Variants in STAG1 observed in about 807,000 individuals in gnomAD.
STAG1 encodes the protein STAG1 cohesin complex component.
Under a neutral mutation model 170.9 loss-of-function variants are expected in STAG1, and 26 were observed. The observed-to-expected ratio is 0.15, with a 90% CI of 0.11 to 0.21. The LOEUF is 0.21. Among genes scored for constraint, STAG1 ranks in the 10% least tolerant of loss-of-function variants. The probability of loss-of-function intolerance (pLI) is 1.00; values close to 1 mark genes in which losing one functional copy is unlikely to be tolerated. For missense variants in STAG1, 964 were observed against 1,509.5 expected (o/e 0.64, Z 5.99); for synonymous variants, 514 against 497.7 (o/e 1.03, Z -0.44).
At position 136,500,334 on chromosome 3, in the gene STAG1, C is replaced by A; in HGVS notation, c.829-38G>T. ...AATATATATAAGTTGAAATCCTGAT[C>A]ATTTTATTTGGAAGGAACAGCTCCA... On this transcript the variant is annotated intron_variant, in intron 8 of 33. Coordinates refer to ENST00000383202, the MANE Select transcript of STAG1 (RefSeq NM_005862.3). 2.2e-6 allele frequency: 3 copies of A among 1,388,864 alleles called. No homozygotes were observed. The South Asian group carries it at 3.8e-5, about 17-fold the overall frequency. The allele number at this position is 1,388,864 out of a possible 1,614,324, so 86.0% of individuals were successfully genotyped here. A position where few individuals can be genotyped will look rare whatever the true frequency, so the allele number is the denominator to read the frequency against.
intron 1 of STAG1, among the ~76,000 whole-genome samples, chr3:136,733,803 A>C (rs1053831398): frequency 6.6e-6 from 1 of 152,218 alleles, no homozygotes. Context: ...CCTTGGCACT[A>C]TAAGAATTTC....
At chr3:136,478,390 C>A (rs575651414) in intron 9 of STAG1, among the ~76,000 whole-genome samples, 1 of 152,244 alleles carries the variant, frequency 6.6e-6, no homozygotes, top group South Asian at 2.1e-4. Context: ...GAATTGTAAA[C>A]AAATACAATG....
intron 29 of STAG1, among the ~76,000 whole-genome samples, chr3:136,347,978 C>T (rs1560048728): frequency 6.6e-6 from 1 of 152,180 alleles, no homozygotes; most frequent in Admixed American, 6.5e-5. Flanking sequence ...TTGTACTCCT[C>T]ATCAACAGTC....
intron 22 of STAG1, among the ~76,000 whole-genome samples, chr3:136,379,702 C>T (rs542216073): frequency 6.6e-6 from 1 of 152,002 alleles, no homozygotes; most frequent in African/African-American, 2.4e-5. Context: ...GAGCAAGACT[C>T]TATCTCAACA....
At chr3:136,597,727 C>T (rs1938490947) in intron 4 of STAG1, among the ~76,000 whole-genome samples, 1 of 151,952 alleles carries the variant, frequency 6.6e-6, no homozygotes, top group Non-Finnish European at 1.5e-5. Context: ...GAAATTTCAA[C>T]ACAATTATAT....
chr3:136,463,576 A>AT (rs1020724346), intron 13 of STAG1, among the ~76,000 whole-genome samples: 1 of 151,918 alleles, frequency 6.6e-6, no homozygotes. Flanking sequence ...ATATGTTTAT[A>AT]TTTTAAATAT....
At chr3:136,697,816 G>A (rs1412017968) in intron 1 of STAG1, among the ~76,000 whole-genome samples, 3 of 152,170 alleles carry the variant, frequency 2.0e-5, no homozygotes, top group Non-Finnish European at 4.4e-5. Context: ...AACATCTTCA[G>A]CCTGATTACA....
intron 3 of STAG1, among the ~76,000 whole-genome samples, chr3:136,607,945 A>T (rs1004277049): frequency 6.6e-6 from 1 of 152,166 alleles, no homozygotes; most frequent in Non-Finnish European, 1.5e-5. Flanking sequence ...TTGGAAAATG[A>T]TATCAGAGAG....
chr3:136,732,310 T>G lies in STAG1; in HGVS notation c.-84+19885A>C, dbSNP rs1934089753. ...GCATCCCAATGGGAGGAAAAAGTAG[T>G]AAGCCATCATCTTATTTTGTCTAGA... On this transcript the variant is annotated intron_variant, in intron 1 of 33. Coordinates refer to ENST00000383202, the MANE Select transcript of STAG1 (RefSeq NM_005862.3). Among the ~76,000 whole-genome samples, 2 of 151,252 alleles carry G rather than the reference T, an allele frequency of 1.3e-5. 1 individual carries two copies. The highest frequency in any genetic ancestry group is 4.2e-4 in the South Asian group (2 of 4,796).
intron 6 of STAG1, among the ~76,000 whole-genome samples, chr3:136,527,714 T>A (rs1183859494): frequency 6.6e-6 from 1 of 152,210 alleles, no homozygotes; most frequent in African/African-American, 2.4e-5. Flanking sequence ...ATCTTTGTGG[T>A]TTCATCTACC....
In STAG1 at chr3:136,336,677, G is replaced by C. The variant is rs1271494027; in HGVS notation, c.*1577C>G. 1.3e-5 allele frequency: 2 copies of C among 152,210 alleles called. No individual in the cohort carries two copies. Among genetic ancestry groups the C allele is most frequent in the Non-Finnish European group, 2.9e-5 (2 of 68,042 alleles). The allele number at this position is 152,210 out of a possible 1,614,324, so 9.4% of individuals were successfully genotyped here. Reference sequence around the variant, plus strand: ...GAGCCCAAGAATTGCTGAATTAGCAGAGAAGATATTTTTGGTGACCAGGTT... The same window carrying C: ...GAGCCCAAGAATTGCTGAATTAGCACAGAAGATATTTTTGGTGACCAGGTT... On this transcript the variant is annotated 3_prime_UTR_variant, in exon 34 of 34. Coordinates refer to ENST00000383202, the MANE Select transcript of STAG1 (RefSeq NM_005862.3).
At chr3:136,585,419 G>A (rs999168145) in intron 4 of STAG1, among the ~76,000 whole-genome samples, 1 of 152,008 alleles carries the variant, frequency 6.6e-6, no homozygotes, top group Non-Finnish European at 1.5e-5. Context: ...TACAGCCTGG[G>A]CGACAGAGTG....
intron 4 of STAG1, among the ~76,000 whole-genome samples, chr3:136,595,601 C>T (rs545629761): frequency 4.4e-4 from 67 of 151,650 alleles, no homozygotes; most frequent in Admixed American, 2.5e-3. Context: ...GGCATGAATC[C>T]GGGAGGTGGA....
intron 29 of STAG1, among the ~76,000 whole-genome samples, chr3:136,344,559 ACTTCAGGGAAGC>A (rs1481527252): frequency 1.3e-5 from 2 of 152,080 alleles, no homozygotes; most frequent in Non-Finnish European, 2.9e-5. Flanking sequence ...ATGCCTCTGT[ACTTCAGGGAAGC>A]CTTCCCTGAT....
intron 10 of STAG1, among the ~76,000 whole-genome samples, chr3:136,475,309 G>A (rs1465503685): frequency 6.6e-6 from 1 of 151,882 alleles, no homozygotes; most frequent in Non-Finnish European, 1.5e-5. Context: ...ACCATGCCCA[G>A]CAAAGTTTTC....
Position 136,369,213 on chromosome 3 carries a change from G to A in STAG1, c.2440C>T (p.Leu814Phe). Residue 814 changes from leucine (L) to phenylalanine (F), a missense_variant, in exon 24 of 34, where the codon CTT (leucine) becomes TTT (phenylalanine). This residue lies in a region of STAG1 where 232 missense variants were observed against 313.0 expected (regional missense o/e 0.74). Transcript: ENST00000383202. ...TCTGGATTGAACACCAAAGGCTGAA[G>A]GCCCTCTCTGCCACCTGTCATTAAT... ...HQLMTGGREG[L>F]QPLVFNPDTG... is the part of the protein sequence containing the mutation. 2 of 1,605,272 alleles carry A rather than the reference G, an allele frequency of 1.2e-6. No homozygotes were observed. Among genetic ancestry groups the A allele is most frequent in the Non-Finnish European group, 1.7e-6 (2 of 1,177,860 alleles).
At chr3:136,677,638 A>G (rs1487155995) in intron 1 of STAG1, among the ~76,000 whole-genome samples, 3 of 152,074 alleles carry the variant, frequency 2.0e-5, no homozygotes, top group African/African-American at 7.2e-5. Flanking sequence ...GGTTGATGTA[A>G]GTTGCCTTGC....
chr3:136,720,414 G>C (rs773420058), intron 1 of STAG1, among the ~76,000 whole-genome samples: 6 of 152,128 alleles, frequency 3.9e-5, no homozygotes, highest in Non-Finnish European at 7.4e-5. Flanking sequence ...ACAGTCCCAG[G>C]AGAATGTGTC....
At chr3:136,527,162 C>T (rs1330729674) in intron 6 of STAG1, among the ~76,000 whole-genome samples, 2 of 152,198 alleles carry the variant, frequency 1.3e-5, no homozygotes, top group Non-Finnish European at 2.9e-5. Flanking sequence ...TGGGGAAGTT[C>T]TCCTGGATAA....
Sources: allele counts gnomAD v4.1 joint callset (sites outside exome capture counted in the v4.1 genomes callset), GRCh38; gene constraint gnomAD v4.1.1; regional missense constraint gnomAD v4.1.1; transcripts MANE v1.5; gene names NCBI Gene and HGNC (gene_info 2026-07-23, HGNC 2026-07-21).